The following TRMO variants were observed in gnomAD, a reference collection of about 807,000 sequenced individuals.
TRMO encodes the protein tRNA (adenine(37)-N6)-methyltransferase.
A neutral mutation model predicts 37.2 loss-of-function variants in TRMO; 30 were observed. That is an observed-to-expected ratio of 0.81 (90% CI 0.60 to 1.09). The LOEUF (loss-of-function observed/expected upper bound fraction) is 1.09, where lower values mean the gene tolerates loss of function less well. Ranked by LOEUF, TRMO falls within the 50% of genes least tolerant of loss-of-function variation. The probability of loss-of-function intolerance (pLI) is 0.00; values close to 1 mark genes in which losing one functional copy is unlikely to be tolerated. For synonymous variants in TRMO, 239 were observed against 199.4 expected (o/e 1.20, Z -1.67); for missense variants, 552 against 549.5 (o/e 1.00, Z -0.05).
At chr9:97,903,600 C>G (rs1436247759), downstream of TRMO, among the ~76,000 whole-genome samples, 1 of 152,200 alleles carries the variant, frequency 6.6e-6, no homozygotes, top group African/African-American at 2.4e-5. Flanking sequence ...TACATTCTTA[C>G]AACTGTTTCC....
intron 2 of TRMO, chr9:97,915,702 G>C (rs545798275): frequency 6.6e-6 from 1 of 152,386 alleles, no homozygotes; most frequent in South Asian, 2.1e-4. Flanking sequence ...CTGGTTCAAA[G>C]GTAATGAGTT....
chr9:97,901,957 C>T (rs562441173), downstream of TRMO, among the ~76,000 whole-genome samples: 17 of 152,234 alleles, frequency 1.1e-4, no homozygotes, highest in African/African-American at 3.6e-4. Context: ...CTCAAGAAAG[C>T]CTGGGGTTCA....
chr9:97,919,701 C>T (rs1454409730), intron 1 of TRMO, among the ~76,000 whole-genome samples: 4 of 152,204 alleles, frequency 2.6e-5, no homozygotes, highest in African/African-American at 9.6e-5. Context: ...TATCACTTCA[C>T]TAAATCAGTC....
downstream of TRMO, among the ~76,000 whole-genome samples, chr9:97,900,205 T>A (rs950330470): frequency 2.0e-5 from 3 of 152,146 alleles, no homozygotes; most frequent in African/African-American, 7.2e-5. Context: ...ACAATAAAAA[T>A]ATTACCTAGG....
intron 1 of TRMO, among the ~76,000 whole-genome samples, chr9:97,918,251 C>T (rs1016818862): frequency 6.6e-6 from 1 of 150,972 alleles, no homozygotes; most frequent in Non-Finnish European, 1.5e-5. Flanking sequence ...ATTAGCCAGG[C>T]ATGGTGGTGC....
downstream of TRMO, among the ~76,000 whole-genome samples, chr9:97,901,410 A>G (rs970388007): frequency 2.0e-5 from 3 of 152,194 alleles, no homozygotes; most frequent in Non-Finnish European, 4.4e-5. Flanking sequence ...CTCCCACTTA[A>G]TAAAGGACCA....
intron 2 of TRMO, chr9:97,913,919 T>C (rs1162835353): frequency 6.1e-6 from 1 of 163,618 alleles, no homozygotes; most frequent in Non-Finnish European, 1.3e-5. Context: ...CTGTCTTAAG[T>C]AATATAATTT....
At chr9:97,915,605 C>T (rs1337115572) in intron 2 of TRMO, 1 of 152,186 alleles carries the variant, frequency 6.6e-6, no homozygotes, top group African/African-American at 2.4e-5. Flanking sequence ...AACATGTCAC[C>T]TCAGTGGATC....
intron 4 of TRMO, among the ~76,000 whole-genome samples, chr9:97,906,316 A>G (rs770735109): frequency 4.6e-5 from 7 of 152,100 alleles, no homozygotes; most frequent in Non-Finnish European, 1.0e-4. Context: ...TTGGCCGTTT[A>G]TCTGGCATGG....
At chr9:97,907,127 G>A (rs1053233820) in intron 4 of TRMO, among the ~76,000 whole-genome samples, 3 of 152,210 alleles carry the variant, frequency 2.0e-5, no homozygotes, top group Non-Finnish European at 4.4e-5. Context: ...GAGCCAAAGA[G>A]AAGCACAACC....
chr9:97,921,798 G>A (rs1183077367), intron 1 of TRMO, among the ~76,000 whole-genome samples: 1 of 152,038 alleles, frequency 6.6e-6, no homozygotes, highest in Non-Finnish European at 1.5e-5. Context: ...TAAACAGGTC[G>A]TATAGTACCT....
chr9:97,920,624 T>C (rs915248808), intron 1 of TRMO, among the ~76,000 whole-genome samples: 1 of 152,252 alleles, frequency 6.6e-6, no homozygotes, highest in African/African-American at 2.4e-5. Flanking sequence ...ATTACAACTG[T>C]ATTAACTGTG....
intron 1 of TRMO, 124 bp downstream of exon 1, chr9:97,922,294 C>G: frequency 1.5e-6 from 1 of 688,718 alleles, no homozygotes; most frequent in Non-Finnish European, 2.5e-6. Context: ...CGTGCCTTCG[C>G]CGTAGGTAAA....
downstream of TRMO, among the ~76,000 whole-genome samples, chr9:97,901,757 T>TA (rs11375112): frequency 0.71 from 102,048 of 144,564 alleles, 36,355 homozygotes; most frequent in East Asian, 0.91. Context: ...TCTCAAAGGC[T>TA]AAAAAAAAAA....
chr9:97,907,791 T>A (rs1825918714), intron 4 of TRMO, among the ~76,000 whole-genome samples: 1 of 152,136 alleles, frequency 6.6e-6, no homozygotes, highest in African/African-American at 2.4e-5. Flanking sequence ...CCTCATATCC[T>A]TCCGCTCAGC....
In TRMO at chr9:97,910,631, C is replaced by T. The variant is rs372941889; in HGVS notation, c.410-15G>A. 1.2e-4 allele frequency: 191 copies of T among 1,609,894 alleles called. No individual in the cohort carries two copies. The African/African-American group carries it at 1.8e-3, about 15-fold the overall frequency. ...TATAGCTCCACCTATGACATAAAAA[C>T]GTGAAAAATGAAGAACAGTGCAAAC... On this transcript the variant is annotated splice_polypyrimidine_tract_variant and intron_variant, in intron 3 of 4. Transcript: ENST00000375119.
intron 1 of TRMO, among the ~76,000 whole-genome samples, chr9:97,921,508 C>T (rs1330153477): frequency 6.6e-5 from 10 of 151,880 alleles, no homozygotes; most frequent in African/African-American, 2.2e-4. Context: ...ACTGCAAGCC[C>T]GCCTCCCGGG....
In TRMO at chr9:97,921,481, T is replaced by A. The variant is rs185797235; in HGVS notation, c.76+937A>T. On this transcript the variant is annotated intron_variant, in intron 1 of 4. Coordinates refer to ENST00000375119, the MANE Select transcript of TRMO (RefSeq NM_016481.5). The stretch of plus-strand genomic sequence containing the variant: ...CTCTGTCGCCCAGGCCGGAGTGCAG[T>A]GGCGCGATCTCGGCTCACTGCAAGC... Among the ~76,000 whole-genome samples, 48 of 151,448 alleles carry A rather than the reference T, an allele frequency of 3.2e-4. No homozygotes were observed. The East Asian group carries it at 8.6e-3, about 27-fold the overall frequency.
At position 97,904,884 on chromosome 9, in the gene TRMO, CA is replaced by C; in HGVS notation, c.1174del (p.Cys392AlafsTer10). 6.2e-7 allele frequency: 1 copy of C among 1,614,226 alleles called. No individual in the cohort carries two copies. Among genetic ancestry groups the C allele is most frequent in the Non-Finnish European group, 8.5e-7 (1 of 1,180,046 alleles). On this transcript the variant is annotated frameshift_variant, in exon 5 of 5. Coordinates refer to ENST00000375119, the MANE Select transcript of TRMO (RefSeq NM_016481.5). LOFTEE classifies it high-confidence loss of function. ...AGTAAAGTAGAAAAGGCGGTCCTGG[CA>C]AAGCTTCCGGCGGTACACAGACCGA... ...DPRSVYRRKLCQDRLFYFTVD... is the reference protein window; with the variant it reads ...DPRSVYRRKLXQDRLFYFTVD...
Sources: gnomAD v4.1 joint callset for allele counts (sites outside exome capture counted in the v4.1 genomes callset) on GRCh38, gnomAD v4.1.1 for gene constraint, MANE v1.5 for transcripts, NCBI Gene and HGNC (gene_info 2026-07-23, HGNC 2026-07-21) for gene names.